RFX3: variants seen among roughly 807,000 people sequenced by gnomAD.
RFX3 encodes transcription factor RFX3.
RFX3 carries 14 observed loss-of-function variants against 98.6 expected under a neutral mutation model. That is an observed-to-expected ratio of 0.14 (90% CI 0.09 to 0.22). The LOEUF (loss-of-function observed/expected upper bound fraction) is 0.22, where lower values mean the gene tolerates loss of function less well. Ranked by LOEUF, RFX3 falls within the 10% of genes least tolerant of loss-of-function variation. The pLI is 1.00. For synonymous variants in RFX3, 383 were observed against 328.4 expected (o/e 1.17, Z -1.80); for missense variants, 639 against 926.9 (o/e 0.69, Z 4.03).
intron 9 of RFX3, among the ~76,000 whole-genome samples, chr9:3,271,529 CTT>C (rs1824448410): frequency 1.1e-4 from 1 of 8,810 alleles, no homozygotes; most frequent in South Asian, 0.016. Context: ...TCCCTTCTTT[CTT>C]TCTCTCTTTC....
chr9:3,387,375 A>G (rs1839834720), intron 2 of RFX3, among the ~76,000 whole-genome samples: 1 of 152,268 alleles, frequency 6.6e-6, no homozygotes, highest in East Asian at 1.9e-4. Flanking sequence ...GATAAAAAAA[A>G]ATTTTTTTAA....
chr9:3,486,521 T>G (rs1850289738), intron 1 of RFX3, among the ~76,000 whole-genome samples: 1 of 152,188 alleles, frequency 6.6e-6, no homozygotes, highest in African/African-American at 2.4e-5. Context: ...TTTCTGCCCT[T>G]TTCAGTGTCT....
At chr9:3,509,794 T>C (rs1052971409) in intron 1 of RFX3, among the ~76,000 whole-genome samples, 5 of 142,992 alleles carry the variant, frequency 3.5e-5, no homozygotes, top group Non-Finnish European at 5.9e-5. Flanking sequence ...TTTGAGTTCT[T>C]TGCCTTTAAA....
chr9:3,403,657 A>C (rs1443598774), intron 1 of RFX3, among the ~76,000 whole-genome samples: 1 of 152,178 alleles, frequency 6.6e-6, no homozygotes, highest in Admixed American at 6.5e-5. Flanking sequence ...AAATTACTGT[A>C]ATTTTTATCT....
intron 1 of RFX3, among the ~76,000 whole-genome samples, chr9:3,455,608 C>T (rs955688855): frequency 1.3e-5 from 2 of 152,132 alleles, no homozygotes; most frequent in Non-Finnish European, 2.9e-5. Flanking sequence ...CAATTTTCAG[C>T]CTGCTAGTAA....
In RFX3 at chr9:3,412,094, C is replaced by G. The variant is rs77945120; in HGVS notation, c.-8-16498G>C. ...CACATGGCCAAAATATTCAGTGTCT[C>G]AAAACAAAGCTTACTGTGAAATCAG... is the stretch of plus-strand genomic sequence containing the variant. On this transcript the variant is annotated intron_variant, in intron 1 of 16. Coordinates refer to ENST00000617270, the MANE Select transcript of RFX3 (RefSeq NM_001282116.2). Among the ~76,000 whole-genome samples, 223 of 152,278 alleles carry G rather than the reference C, an allele frequency of 1.5e-3. 5 individuals carry two copies. The East Asian group carries it at 0.024, about 16-fold the overall frequency.
At chr9:3,442,276 C>A (rs1845674178) in intron 1 of RFX3, among the ~76,000 whole-genome samples, 1 of 151,888 alleles carries the variant, frequency 6.6e-6, no homozygotes, top group South Asian at 2.1e-4. Context: ...CAAGGTTAAG[C>A]AACATCAATG....
intron 1 of RFX3, among the ~76,000 whole-genome samples, chr9:3,507,920 T>C (rs945493680): frequency 1.3e-5 from 2 of 151,738 alleles, no homozygotes; most frequent in African/African-American, 2.4e-5. Flanking sequence ...CAGAGAAAAG[T>C]GGTGAAATAC....
chr9:3,399,316 C>T (rs148518040), intron 1 of RFX3, among the ~76,000 whole-genome samples: 13 of 150,478 alleles, frequency 8.6e-5, no homozygotes, highest in Non-Finnish European at 1.8e-4. Context: ...TGGTGGTGGG[C>T]ACCTGTAATC....
At chr9:3,289,736 G>T (rs1036028562) in intron 6 of RFX3, among the ~76,000 whole-genome samples, 2 of 151,904 alleles carry the variant, frequency 1.3e-5, no homozygotes, top group African/African-American at 4.8e-5. Flanking sequence ...CATATCCATG[G>T]TCTTCTTTAC....
rs1382570216 is a variant in RFX3, at chr9:3,320,756, C to A, written c.474+9503G>T. Among the ~76,000 whole-genome samples the A allele has an allele frequency of 2.6e-5, 3 of 115,102 alleles. No homozygotes were observed. In the East Asian group the frequency reaches 8.0e-4, roughly 31 times the overall value. 75.5% of individuals were successfully genotyped at this position (115,102 alleles called of 152,430 possible). A position where few individuals can be genotyped will look rare whatever the true frequency, so the allele number is the denominator to read the frequency against. On this transcript the variant is annotated intron_variant, in intron 4 of 16. Coordinates refer to ENST00000617270, the MANE Select transcript of RFX3 (RefSeq NM_001282116.2). ...TATGTGCCTATATATACATATAATG[C>A]ATGCTACATAGCATATATATATATA... is the stretch of plus-strand genomic sequence containing the variant.
chr9:3,289,570 C>T (rs962306010), intron 6 of RFX3, among the ~76,000 whole-genome samples: 3 of 152,126 alleles, frequency 2.0e-5, no homozygotes, highest in Non-Finnish European at 4.4e-5. Flanking sequence ...ACATTACTTA[C>T]AGGACAAAAC....
rs1011075275 is a variant in RFX3 at position 3,222,224 on chromosome 9, T to A, written c.*2818A>T. The A allele has an allele frequency of 6.6e-6, 1 of 152,184 alleles. No homozygotes were observed. Among genetic ancestry groups the A allele is most frequent in the African/African-American group, 2.4e-5 (1 of 41,472 alleles). The allele number at this position is 152,184 out of a possible 1,614,324, so 9.4% of individuals were successfully genotyped here. ...CTAGAAGTAGCATAAACCATAGGTC[T>A]TCTTTTTATGTTTTGATCCAAACTA... On this transcript the variant is annotated 3_prime_UTR_variant, in exon 17 of 17. Coordinates refer to ENST00000617270, the MANE Select transcript of RFX3 (RefSeq NM_001282116.2).
intron 4 of RFX3, among the ~76,000 whole-genome samples, chr9:3,312,336 C>G (rs1391348235): frequency 6.6e-6 from 1 of 152,114 alleles, no homozygotes; most frequent in Non-Finnish European, 1.5e-5. Flanking sequence ...GCAGCTGAAA[C>G]AGTATCAGTT....
chr9:3,464,828 T>C lies in RFX3; in HGVS notation c.-9+60919A>G, dbSNP rs1003398436. On this transcript the variant is annotated intron_variant, in intron 1 of 16. Coordinates refer to ENST00000617270, the MANE Select transcript of RFX3 (RefSeq NM_001282116.2). ...ATGAAATATATGTTGAAGACTTTTA[T>C]ACTGGTGGGAATGTTTGATAACTTA... is the stretch of plus-strand genomic sequence containing the variant. Among the ~76,000 whole-genome samples, 14 of 152,190 alleles carry C rather than the reference T, an allele frequency of 9.2e-5. No individual in the cohort carries two copies. The East Asian group carries it at 1.3e-3, about 15-fold the overall frequency.
chr9:3,304,101 A>G (rs1828998666), intron 4 of RFX3, among the ~76,000 whole-genome samples: 1 of 151,982 alleles, frequency 6.6e-6, no homozygotes. Flanking sequence ...TTGGAAACCC[A>G]CGGGCTTCCA....
chr9:3,426,763 G>A (rs111419764), intron 1 of RFX3, among the ~76,000 whole-genome samples: 6,733 of 152,262 alleles, frequency 0.044, 521 homozygotes, highest in African/African-American at 0.15. Context: ...AGATGGGACT[G>A]TCTAGCTGGA....
In RFX3 at chr9:3,221,280, C is replaced by G. The variant is rs566936856; in HGVS notation, c.*3762G>C. ...AGGAATTTTTAAAAATTTGAAAATGCATTTAGCACTTTTAGACAGTGCATT... is the reference window on the plus strand; with the variant it reads ...AGGAATTTTTAAAAATTTGAAAATGGATTTAGCACTTTTAGACAGTGCATT... On this transcript the variant is annotated 3_prime_UTR_variant, in exon 17 of 17. Transcript: ENST00000617270. The G allele has an allele frequency of 1.3e-5, 2 of 152,050 alleles. No individual in the cohort carries two copies. Among genetic ancestry groups the G allele is most frequent in the South Asian group, 2.1e-4 (1 of 4,804 alleles). 9.4% of individuals were successfully genotyped at this position (152,050 alleles called of 1,614,324 possible).
rs1240404623 is a variant in RFX3, at chr9:3,330,472, T to C, written c.261A>G (p.Gln87=). ...YPYTETQMYS[Q]NTGGNYFDTQ... ...TATCAAAGTAATTCCCTCCAGTATT[T>C]TGGCTGTACATCTGTGTCTCTGTGT... Residue 87 remains glutamine, a synonymous_variant, in exon 4 of 17, where the codon CAA becomes CAG. Transcript: ENST00000617270. The C allele has an allele frequency of 3.7e-6, 6 of 1,613,998 alleles. No individual in the cohort carries two copies. The Admixed American group carries it at 8.3e-5, about 22-fold the overall frequency.
Sources: gnomAD v4.1 joint callset for allele counts (sites outside exome capture counted in the v4.1 genomes callset) on GRCh38, gnomAD v4.1.1 for gene constraint, MANE v1.5 for transcripts, NCBI Gene and HGNC (gene_info 2026-07-23, HGNC 2026-07-21) for gene names.